MAPK12: variants seen among roughly 807,000 people sequenced by gnomAD.
MAPK12 encodes the protein MAP kinase 12.
MAPK12 carries 49 observed loss-of-function variants against 49.1 expected under a neutral mutation model. The observed-to-expected ratio is 1.00, with a 90% CI of 0.79 to 1.27. MAPK12 has a LOEUF of 1.27. Ranked by LOEUF, MAPK12 falls within the 50% of genes most tolerant of loss-of-function variation. The pLI, the probability that MAPK12 is intolerant of heterozygous loss-of-function variation, is 0.00. For missense variants in MAPK12, 554 were observed against 502.4 expected (o/e 1.10, Z -0.98); for synonymous variants, 251 against 209.7 (o/e 1.20, Z -1.70).
chr22:50,261,337 C>T, intron 1 of MAPK12, 41 bp from the exon 2 acceptor site: 2 of 1,192,214 alleles, frequency 1.7e-6, no homozygotes, highest in South Asian at 3.4e-5. Flanking sequence ...GGGCACCCCG[C>T]GCAGGCCCCG....
chr22:50,257,550 A>T, intron 3 of MAPK12: 1 of 524,686 alleles, frequency 1.9e-6, no homozygotes, highest in Non-Finnish European at 3.4e-6. Context: ...GAGTCTTCAC[A>T]GGCAGGGGAG....
intron 5 of MAPK12, 32 bp from the exon 6 acceptor site, chr22:50,256,678 C>A: frequency 6.3e-7 from 1 of 1,594,884 alleles, no homozygotes; most frequent in Non-Finnish European, 8.5e-7. Flanking sequence ...CCACTGTGCC[C>A]CACCCTCCCA....
In MAPK12 at chr22:50,255,275, C is replaced by T. The variant is rs200321773; in HGVS notation, c.946G>A (p.Asp316Asn). The stretch of plus-strand genomic sequence containing the variant: ...TGGACCTGGGGCTCATCTTCCGTGT[C>T]GTGCAGGGACTCGAAGTAGGGATGG... ...LAHPYFESLH[D>N]TEDEPQVQKY... The change falls in exon 11 of 12, where the codon GAC becomes AAC. Residue 316 changes from aspartate to asparagine, a missense_variant. Asp to Asn is a conservative substitution (Grantham distance 23, BLOSUM62 1). Coordinates refer to ENST00000215659, the MANE Select transcript of MAPK12 (RefSeq NM_002969.6). 455 of 1,613,848 alleles carry T rather than the reference C, an allele frequency of 2.8e-4. 1 individual carries two copies. Among genetic ancestry groups the T allele is most frequent in the Middle Eastern group, 3.3e-4 (2 of 6,062 alleles).
intron 2 of MAPK12, 113 bp downstream of exon 2, chr22:50,261,054 G>C (rs1601647368): frequency 4.0e-6 from 5 of 1,253,422 alleles, no homozygotes; most frequent in East Asian, 3.4e-5. Flanking sequence ...CCCGACCCCC[G>C]CCCGGCCCCA....
At chr22:50,253,776 A>G in intron 11 of MAPK12, 1 of 482,318 alleles carries the variant, frequency 2.1e-6, no homozygotes, top group Admixed American at 3.7e-5. Context: ...CCTATGGCCC[A>G]TGGCTTTCAA....
At chr22:50,256,881 C>CG in intron 5 of MAPK12, 54 bp downstream of exon 5, 8 of 1,586,914 alleles carry the variant, frequency 5.0e-6, no homozygotes, top group Middle Eastern at 1.7e-4. Context: ...GACGTGGAGG[C>CG]GGGGGGATTG....
At chr22:50,257,486 C>T (rs2065162561) in intron 3 of MAPK12, 1 of 523,638 alleles carries the variant, frequency 1.9e-6, no homozygotes, top group Non-Finnish European at 3.5e-6. Context: ...TCCGCTGAAG[C>T]GCCCTGCGTG....
chr22:50,256,297 C>T lies in MAPK12; in HGVS notation c.505-98G>A, dbSNP rs1464025622. 6.4e-6 allele frequency: 6 copies of T among 935,806 alleles called. No homozygotes were observed. The African/African-American group carries it at 8.3e-5, about 13-fold the overall frequency. 58.0% of individuals were successfully genotyped at this position (935,806 alleles called of 1,614,324 possible). On this transcript the variant is annotated intron_variant, in intron 6 of 11. Transcript: ENST00000215659. ...ACCCCGGGGGGTTGGACTTGAAGCT[C>T]CCAAGCTGGGGCCTCCTGACAACCT... is the stretch of plus-strand genomic sequence containing the variant.
chr22:50,256,779 C>T, intron 5 of MAPK12, 133 bp from the exon 6 acceptor site: 1 of 1,511,510 alleles, frequency 6.6e-7, no homozygotes, highest in Non-Finnish European at 8.9e-7. Flanking sequence ...CAAGGGCAGA[C>T]CAAGGTACCT....
In MAPK12 at chr22:50,255,287, C is replaced by G. The variant is rs775287258; in HGVS notation, c.934G>C (p.Glu312Gln). 2 of 1,613,732 alleles carry G rather than the reference C, an allele frequency of 1.2e-6. No individual in the cohort carries two copies. The highest frequency in any genetic ancestry group is 3.3e-5 in the Admixed American group (2 of 60,030). Residue 312 changes from glutamate (E) to glutamine (Q), a missense_variant, in exon 11 of 12, where the codon GAG becomes CAG. By Grantham distance (29) the Glu-to-Gln change is conservative. Coordinates refer to ENST00000215659, the MANE Select transcript of MAPK12 (RefSeq NM_002969.6). ...AGEALAHPYF[E>Q]SLHDTEDEPQ... ...TCATCTTCCGTGTCGTGCAGGGACT[C>G]GAAGTAGGGATGGGCCAGCGCCTCG...
In MAPK12 at chr22:50,256,118, C is replaced by T; in HGVS notation, c.586G>A (p.Val196Ile). ...GTGTAGCGCATCCAATTCAAGATGACCTCGGGAGCCCGGTACCACCGGGTC... is the reference window on the plus strand; with the variant it reads ...GTGTAGCGCATCCAATTCAAGATGATCTCGGGAGCCCGGTACCACCGGGTC... ...VVTRWYRAPEVILNWMRYTQT... is the reference protein window; with the variant it reads ...VVTRWYRAPEIILNWMRYTQT... Residue 196 changes from valine to isoleucine, a missense_variant, in exon 7 of 12, where the codon GTC (valine) becomes ATC (isoleucine). By Grantham distance (29) the Val-to-Ile change is conservative. Transcript: ENST00000215659. 6.2e-7 allele frequency: 1 copy of T among 1,612,710 alleles called. No individual in the cohort carries two copies. The highest frequency in any genetic ancestry group is 2.2e-5 in the East Asian group (1 of 44,878).
chr22:50,258,157 C>T (rs998284091), intron 3 of MAPK12, 86 bp downstream of exon 3: 1 of 1,287,950 alleles, frequency 7.8e-7, no homozygotes, highest in Admixed American at 1.7e-5. Flanking sequence ...GGAAGAGAAC[C>T]CCATTGCCAA....
chr22:50,257,628 G>A, intron 3 of MAPK12: 2 of 573,692 alleles, frequency 3.5e-6, no homozygotes, highest in South Asian at 4.1e-5. Flanking sequence ...GGGCGATGGG[G>A]GCGCGGCAAG....
At position 50,258,054 on chromosome 22, in the gene MAPK12, GC is replaced by G. The variant is rs2065169409; in HGVS notation, c.314+188del. The G allele has an allele frequency of 5.5e-6, 4 of 722,704 alleles. No individual in the cohort carries two copies. The Admixed American group carries it at 7.9e-5, about 14-fold the overall frequency. 44.8% of individuals were successfully genotyped at this position (722,704 alleles called of 1,614,324 possible). On this transcript the variant is annotated intron_variant, in intron 3 of 11. Transcript: ENST00000215659. The stretch of plus-strand genomic sequence containing the variant: ...CCCAGCTCTGCCCAGCTGTGCCAGT[GC>G]CCGTGGGTCCCAGGACCATGTGGGG...
chr22:50,253,609 C>A (rs1385363478), intron 11 of MAPK12, 129 bp from the exon 12 acceptor site: 3 of 642,330 alleles, frequency 4.7e-6, no homozygotes, highest in East Asian at 5.5e-5. Flanking sequence ...GTGGTCTGAA[C>A]CACTGAGAGA....
intron 6 of MAPK12, 78 bp from the exon 7 acceptor site, chr22:50,256,277 G>C (rs534825992): frequency 1.7e-4 from 188 of 1,134,896 alleles, no homozygotes; most frequent in South Asian, 1.1e-3. Context: ...AGGAGACCCC[G>C]GGGGGTTGGA....
intron 5 of MAPK12, 34 bp from the exon 6 acceptor site, chr22:50,256,680 A>T: frequency 6.3e-7 from 1 of 1,592,518 alleles, no homozygotes; most frequent in Non-Finnish European, 8.5e-7. Context: ...ACTGTGCCCC[A>T]CCCTCCCAAG....
chr22:50,255,747 G>A, intron 8 of MAPK12, 53 bp from the exon 9 acceptor site: 2 of 1,609,522 alleles, frequency 1.2e-6, no homozygotes, highest in Non-Finnish European at 1.7e-6. Context: ...GGCCCCCACT[G>A]CCCCCACCTG....
rs1451310440 is a variant in MAPK12, at chr22:50,261,214, G to C, written c.208C>G (p.Arg70Gly). The change falls in exon 2 of 12, where the codon CGC (arginine) becomes GGC (glycine). Residue 70 changes from arginine to glycine, a missense_variant. Transcript: ENST00000215659. ...AGCAGGCGCAGCTCGCGGTAGGCGC[G>C]CTTGGCGAACAGCTCGGACTGGAAA... ...RPFQSELFAKRAYRELRLLKH... is the reference protein window; with the variant it reads ...RPFQSELFAKGAYRELRLLKH... The C allele has an allele frequency of 1.3e-6, 2 of 1,590,308 alleles. No homozygotes were observed. Among genetic ancestry groups the C allele is most frequent in the South Asian group, 2.3e-5 (2 of 87,854 alleles).
Sources: allele counts gnomAD v4.1 joint callset, GRCh38; gene constraint gnomAD v4.1.1; transcripts MANE v1.5; gene names NCBI Gene and HGNC (gene_info 2026-07-23, HGNC 2026-07-21).